ACP3: variants seen among roughly 807,000 people sequenced by gnomAD.
The protein encoded by ACP3 is acid phosphatase 3.
A neutral mutation model predicts 45.6 loss-of-function variants in ACP3; 38 were observed. The ratio of observed to expected loss-of-function variants is 0.83; its 90% CI spans 0.64 to 1.09. ACP3 has a LOEUF of 1.09. ACP3 is among the 50% of genes least tolerant of loss of function. The pLI is 0.00. For missense variants in ACP3, 466 were observed against 463.2 expected (o/e 1.01, Z -0.05); for synonymous variants, 162 against 164.7 (o/e 0.98, Z 0.13).
At chr3:132,356,601 T>C (rs1376855056) in intron 9 of ACP3, 85 bp from the exon 10 acceptor site, 9 of 1,598,508 alleles carry the variant, frequency 5.6e-6, no homozygotes, top group Non-Finnish European at 7.7e-6. Context: ...TCAACTGGCA[T>C]GTAATAGTCC....
intron 6 of ACP3, among the ~76,000 whole-genome samples, chr3:132,342,945 C>T (rs1016089828): frequency 2.0e-5 from 3 of 152,064 alleles, no homozygotes; most frequent in African/African-American, 7.2e-5. Context: ...ATTTATTTTG[C>T]AGCCACTCAA....
At chr3:132,337,389 T>G (rs1210708210) in intron 4 of ACP3, 67 bp from the exon 5 acceptor site, 2 of 1,000,528 alleles carry the variant, frequency 2.0e-6, no homozygotes, top group African/African-American at 1.6e-5. Flanking sequence ...CTTAAAATAT[T>G]GCTGCAGCAT....
At chr3:132,323,222 C>A (rs998352194) in intron 1 of ACP3, among the ~76,000 whole-genome samples, 4 of 150,814 alleles carry the variant, frequency 2.7e-5, no homozygotes. Flanking sequence ...GGATGATGAT[C>A]AAAAACCCTC....
At chr3:132,359,127 A>G (rs1937984706), downstream of ACP3, among the ~76,000 whole-genome samples, 1 of 152,200 alleles carries the variant, frequency 6.6e-6, no homozygotes, top group Admixed American at 6.5e-5. Flanking sequence ...TACACAGATT[A>G]CTGTGGGAAC....
chr3:132,320,407 T>C (rs1485253294), intron 1 of ACP3, among the ~76,000 whole-genome samples: 2 of 152,136 alleles, frequency 1.3e-5, no homozygotes, highest in Admixed American at 6.5e-5. Context: ...ACACACCCAC[T>C]TGAGTTTTTT....
At chr3:132,339,979 T>G (rs978370781) in intron 5 of ACP3, among the ~76,000 whole-genome samples, 6 of 152,096 alleles carry the variant, frequency 3.9e-5, no homozygotes, top group Non-Finnish European at 7.4e-5. Context: ...CTTTGGAGAC[T>G]CCAAGGATTT....
chr3:132,346,295 G>A (rs1937608180), intron 7 of ACP3, among the ~76,000 whole-genome samples: 1 of 152,214 alleles, frequency 6.6e-6, no homozygotes, highest in Admixed American at 6.5e-5. Context: ...CCAGGGGAAT[G>A]AGGTATGAAA....
rs1937939570 is a variant in ACP3, at chr3:132,357,679, A to G, written c.*801A>G. 1.0e-6 allele frequency: 1 copy of G among 985,402 alleles called. No individual in the cohort carries two copies. Among genetic ancestry groups the G allele is most frequent in the Non-Finnish European group, 1.2e-6 (1 of 829,930 alleles). 61.0% of individuals were successfully genotyped at this position (985,402 alleles called of 1,614,324 possible). On this transcript the variant is annotated 3_prime_UTR_variant, in exon 10 of 10. Coordinates refer to ENST00000336375, the MANE Select transcript of ACP3 (RefSeq NM_001099.5). ...GCTATTTGGGCACAACACATCAGGA[A>G]AGAGAGCACCACGTGATGGAGTTTC...
Position 132,348,304 on chromosome 3 carries a change from A to G in ACP3, c.782-1616A>G, listed in dbSNP as rs373126589. Among the ~76,000 whole-genome samples the G allele has an allele frequency of 4.4e-4, 67 of 152,284 alleles. 2 individuals carry two copies. In the South Asian group the frequency reaches 0.012, roughly 28 times the overall value. On this transcript the variant is annotated intron_variant, in intron 7 of 9. Transcript: ENST00000336375. ...CTTTCCACGATAGCATGTTCTAATG[A>G]TTACAAATAAAGGTTTTGACACAGG...
intron 4 of ACP3, among the ~76,000 whole-genome samples, chr3:132,335,532 C>T (rs1388151322): frequency 6.6e-6 from 1 of 152,140 alleles, no homozygotes; most frequent in South Asian, 2.1e-4. Flanking sequence ...CAGACACGAT[C>T]CTGGCTCTCG....
Position 132,358,615 on chromosome 3 carries a change from A to G in ACP3, c.*1737A>G. On this transcript the variant is annotated 3_prime_UTR_variant, in exon 10 of 10. Transcript: ENST00000336375. The stretch of plus-strand genomic sequence containing the variant: ...CCTGGTTGGTCACAGAATGACTGAC[A>G]AAGACATCGATTGATATGCTTCTTT... 1.9e-6 allele frequency: 2 copies of G among 1,066,988 alleles called. No homozygotes were observed. Among genetic ancestry groups the G allele is most frequent in the Non-Finnish European group, 2.3e-6 (2 of 870,112 alleles). The allele number at this position is 1,066,988 out of a possible 1,614,324, so 66.1% of individuals were successfully genotyped here.
chr3:132,320,862 G>A (rs1937194938), intron 1 of ACP3, among the ~76,000 whole-genome samples: 2 of 151,948 alleles, frequency 1.3e-5, no homozygotes, highest in South Asian at 4.2e-4. Context: ...CGTTGGCCAG[G>A]CTGGTCTTGA....
At chr3:132,336,611 T>C (rs1037436973) in intron 4 of ACP3, among the ~76,000 whole-genome samples, 1 of 152,050 alleles carries the variant, frequency 6.6e-6, no homozygotes, top group Non-Finnish European at 1.5e-5. Context: ...AGAAGAGAAG[T>C]AGAAGTCAGT....
chr3:132,335,164 T>C (rs1937468791), intron 4 of ACP3, among the ~76,000 whole-genome samples: 1 of 152,164 alleles, frequency 6.6e-6, no homozygotes, highest in South Asian at 2.1e-4. Context: ...TGGAACAATT[T>C]GAAAGCCATG....
At chr3:132,350,435 C>A (rs7621057) in intron 8 of ACP3, among the ~76,000 whole-genome samples, 4 of 152,132 alleles carry the variant, frequency 2.6e-5, no homozygotes, top group Middle Eastern at 3.2e-3. Context: ...ATGTTGTGTC[C>A]AAAAAGTGGT....
At chr3:132,352,684 C>A in intron 8 of ACP3, 36 bp from the exon 9 acceptor site, 1 of 1,458,012 alleles carries the variant, frequency 6.9e-7, no homozygotes, top group Non-Finnish European at 9.6e-7. Flanking sequence ...GAATGTGAAT[C>A]TGAACAGGCG....
intron 1 of ACP3, among the ~76,000 whole-genome samples, chr3:132,321,581 T>C (rs1381060085): frequency 2.6e-5 from 4 of 152,240 alleles, no homozygotes; most frequent in Non-Finnish European, 5.9e-5. Context: ...CCCAGATTTA[T>C]GCCAATGCAT....
rs1253322983 is a variant in ACP3 at position 132,356,789 on chromosome 3, G to A, written c.1072G>A (p.Glu358Lys). ...CAGCTGTCCTCTGGAGAGGTTTGCT[G>A]AGCTGGTTGGCCCTGTGATCCCTCA... ...SPSCPLERFAELVGPVIPQDW... is the reference protein window; with the variant it reads ...SPSCPLERFAKLVGPVIPQDW... Residue 358 changes from glutamate to lysine, a missense_variant, in exon 10 of 10, where the codon GAG becomes AAG. Glu to Lys is a moderately conservative substitution (Grantham distance 56). Coordinates refer to ENST00000336375, the MANE Select transcript of ACP3 (RefSeq NM_001099.5). 1.9e-6 allele frequency: 3 copies of A among 1,614,036 alleles called. No individual in the cohort carries two copies. Among genetic ancestry groups the A allele is most frequent in the Non-Finnish European group, 2.5e-6 (3 of 1,180,038 alleles).
chr3:132,347,670 G>A (rs1937626143), intron 7 of ACP3, among the ~76,000 whole-genome samples: 1 of 151,886 alleles, frequency 6.6e-6, no homozygotes. Context: ...TTTTTGCAAA[G>A]ACAGGGTCTC....
Sources: gnomAD v4.1 joint callset for allele counts (sites outside exome capture counted in the v4.1 genomes callset) on GRCh38, gnomAD v4.1.1 for gene constraint, MANE v1.5 for transcripts, NCBI Gene and HGNC (gene_info 2026-07-23, HGNC 2026-07-21) for gene names.